STOX1: variants seen among roughly 807,000 people sequenced by gnomAD.
STOX1 encodes the protein storkhead-box protein 1.
A neutral mutation model predicts 74.8 loss-of-function variants in STOX1; 57 were observed. The ratio of observed to expected loss-of-function variants is 0.76; its 90% CI spans 0.62 to 0.95. STOX1 has a LOEUF of 0.95. Among genes scored for constraint, STOX1 ranks in the 40% least tolerant of loss-of-function variants. The pLI is 0.00. For missense variants in STOX1, 1,010 were observed against 1,117.0 expected (o/e 0.90, Z 1.37); for synonymous variants, 375 against 401.3 (o/e 0.93, Z 0.78).
chr10:68,885,365 G>T lies in STOX1; in HGVS notation c.1569G>T (p.Gln523His). 1 of 1,614,182 alleles carries T rather than the reference G, an allele frequency of 6.2e-7. No individual in the cohort carries two copies. The highest frequency in any genetic ancestry group is 1.6e-4 in the Middle Eastern group (1 of 6,062). Residue 523 changes from glutamine to histidine, a missense_variant, in exon 3 of 4, where the codon CAG becomes CAT. Transcript: ENST00000298596. ...IQKTSDLKPS[Q>H]TGPKEKPFQK... is the part of the protein sequence containing the mutation. The stretch of plus-strand genomic sequence containing the variant: ...AGACGAGTGATCTGAAACCCAGCCA[G>T]ACTGGACCAAAGGAAAAGCCTTTCC...
At chr10:68,879,896 A>G (rs1203934278) in intron 1 of STOX1, among the ~76,000 whole-genome samples, 1 of 152,152 alleles carries the variant, frequency 6.6e-6, no homozygotes, top group East Asian at 1.9e-4. Context: ...TAGGGTGGCT[A>G]CTTATCCCAG....
At chr10:68,866,948 T>TTTTC (rs1380184926) in intron 1 of STOX1, among the ~76,000 whole-genome samples, 2 of 149,810 alleles carry the variant, frequency 1.3e-5, no homozygotes, top group South Asian at 4.3e-4. Context: ...TTTCCTTGTT[T>TTTTC]TTTTTTTTTT....
At chr10:68,881,491 C>T (rs1250575424) in intron 1 of STOX1, among the ~76,000 whole-genome samples, 2 of 152,180 alleles carry the variant, frequency 1.3e-5, no homozygotes, top group Non-Finnish European at 2.9e-5. Context: ...AGACCTATTT[C>T]TGTCACTTTA....
At chr10:68,838,268 T>C (rs1284973539) in intron 1 of STOX1, among the ~76,000 whole-genome samples, 1 of 152,122 alleles carries the variant, frequency 6.6e-6, no homozygotes, top group African/African-American at 2.4e-5. Context: ...TGTTTCACTG[T>C]GTTGCCTAGG....
intron 1 of STOX1, among the ~76,000 whole-genome samples, chr10:68,844,792 T>C (rs137997379): frequency 0.014 from 2,130 of 152,226 alleles, 31 homozygotes; most frequent in African/African-American, 0.049. Flanking sequence ...AGATGGAGTC[T>C]CACTTTGTCA....
chr10:68,887,688 G>T lies in STOX1; in HGVS notation c.2822+1070G>T, dbSNP rs530159129. ...TGCTCACTGCAACCTCCGCCTCCCG[G>T]GTTCAAGCAATTCTCCCACTTTAGC... On this transcript the variant is annotated intron_variant, in intron 3 of 3. Coordinates refer to ENST00000298596, the MANE Select transcript of STOX1 (RefSeq NM_152709.5). 8.0e-4 allele frequency among the ~76,000 whole-genome samples: 121 copies of T among 151,302 alleles called. 1 individual carries two copies. The highest frequency in any genetic ancestry group is 2.8e-3 in the African/African-American group (117 of 41,192).
chr10:68,838,070 T>C (rs1184305722), intron 1 of STOX1, among the ~76,000 whole-genome samples: 2 of 152,008 alleles, frequency 1.3e-5, no homozygotes, highest in Non-Finnish European at 2.9e-5. Context: ...TTTTTTTTTT[T>C]CTTTTTTCCT....
At chr10:68,851,920 G>T (rs1321196948) in intron 1 of STOX1, among the ~76,000 whole-genome samples, 2 of 152,112 alleles carry the variant, frequency 1.3e-5, no homozygotes, top group African/African-American at 4.8e-5. Context: ...GATCACCTGA[G>T]TTCAGGAGTT....
chr10:68,830,145 T>G (rs1358819388), intron 1 of STOX1, among the ~76,000 whole-genome samples: 2 of 152,102 alleles, frequency 1.3e-5, no homozygotes, highest in Non-Finnish European at 2.9e-5. Context: ...ATCTGAAATA[T>G]GTATCACACG....
At chr10:68,842,064 A>G (rs969967834) in intron 1 of STOX1, among the ~76,000 whole-genome samples, 1 of 152,188 alleles carries the variant, frequency 6.6e-6, no homozygotes, top group African/African-American at 2.4e-5. Context: ...CCATCTGAAG[A>G]GTATTAACCA....
At chr10:68,863,628 C>G (rs1840322870) in intron 1 of STOX1, among the ~76,000 whole-genome samples, 1 of 152,054 alleles carries the variant, frequency 6.6e-6, no homozygotes, top group Non-Finnish European at 1.5e-5. Flanking sequence ...ATTCAAAGGT[C>G]CTGAAAGAGG....
At chr10:68,842,866 A>G (rs1839730670) in intron 1 of STOX1, among the ~76,000 whole-genome samples, 1 of 151,806 alleles carries the variant, frequency 6.6e-6, no homozygotes, top group Admixed American at 6.6e-5. Flanking sequence ...TTAGCAGTTC[A>G]TTAAGGATTA....
intron 3 of STOX1, among the ~76,000 whole-genome samples, chr10:68,888,106 CAT>C (rs918579767): frequency 4.7e-4 from 72 of 151,764 alleles, no homozygotes; most frequent in African/African-American, 1.6e-3. Flanking sequence ...CGCACACACA[CAT>C]ATATGTTTTG....
At chr10:68,862,957 A>C (rs1840295575) in intron 1 of STOX1, among the ~76,000 whole-genome samples, 1 of 152,018 alleles carries the variant, frequency 6.6e-6, no homozygotes, top group South Asian at 2.1e-4. Flanking sequence ...AAGTGTGGAG[A>C]CCAGAAAGCA....
chr10:68,863,531 A>G (rs1362946677), intron 1 of STOX1, among the ~76,000 whole-genome samples: 2 of 152,148 alleles, frequency 1.3e-5, no homozygotes, highest in African/African-American at 4.8e-5. Context: ...GTTTGACACC[A>G]GAGGCATTAA....
rs781553493 is a variant in STOX1, at chr10:68,879,699, A to G, written c.311-2259A>G. ...TATTCACCATCAGATTTTGCATACA[A>G]ATGGTCTAGAGCAGTGGTTTCCAAC... On this transcript the variant is annotated intron_variant, in intron 1 of 3. Coordinates refer to ENST00000298596, the MANE Select transcript of STOX1 (RefSeq NM_152709.5). Among the ~76,000 whole-genome samples, 106 of 152,294 alleles carry G rather than the reference A, an allele frequency of 7.0e-4. 1 individual carries two copies. Among genetic ancestry groups the G allele is most frequent in the Middle Eastern group, 3.4e-3 (1 of 294 alleles).
At chr10:68,878,531 G>A (rs2131987406) in intron 1 of STOX1, among the ~76,000 whole-genome samples, 1 of 152,290 alleles carries the variant, frequency 6.6e-6, no homozygotes, top group South Asian at 2.1e-4. Context: ...CAGTGGGATA[G>A]CCACAGCCAC....
At chr10:68,860,281 G>C (rs1446400615) in intron 1 of STOX1, among the ~76,000 whole-genome samples, 1 of 149,398 alleles carries the variant, frequency 6.7e-6, no homozygotes, top group Non-Finnish European at 1.5e-5. Context: ...GGGGGAAAGA[G>C]TCTCATTGGT....
At chr10:68,886,869 G>A (rs1230497605) in intron 3 of STOX1, among the ~76,000 whole-genome samples, 1 of 151,248 alleles carries the variant, frequency 6.6e-6, no homozygotes, top group Admixed American at 6.6e-5. Flanking sequence ...GTAGTGAGCC[G>A]AGATCGTGCC....
Sources: gnomAD v4.1 joint callset for allele counts (sites outside exome capture counted in the v4.1 genomes callset) on GRCh38, gnomAD v4.1.1 for gene constraint, MANE v1.5 for transcripts, NCBI Gene and HGNC (gene_info 2026-07-23, HGNC 2026-07-21) for gene names.